Variants in AMZ2 observed in about 807,000 individuals in gnomAD.
AMZ2 encodes the protein archaelysin family metallopeptidase 2, also known as archaemetzincin-2.
In AMZ2, 26 loss-of-function variants were observed where a neutral mutation model predicts 36.7. The observed-to-expected ratio is 0.71, with a 90% confidence interval of 0.52 to 0.98. AMZ2 has a LOEUF of 0.98. Ranked by LOEUF, AMZ2 falls within the 50% of genes least tolerant of loss-of-function variation. The probability of loss-of-function intolerance (pLI) is 0.00; values close to 1 mark genes in which losing one functional copy is unlikely to be tolerated. For missense variants in AMZ2, 394 were observed against 430.5 expected (o/e 0.92, Z 0.75); for synonymous variants, 144 against 149.1 (o/e 0.97, Z 0.25).
intron 1 of AMZ2, among the ~76,000 whole-genome samples, chr17:68,224,225 G>C (rs563258885): frequency 1.3e-5 from 2 of 152,348 alleles, no homozygotes; most frequent in African/African-American, 4.8e-5. Flanking sequence ...TTACAGGCGT[G>C]AGCCACTGTG....
chr17:68,219,603 G>C (rs2073293674), intron 1 of AMZ2, among the ~76,000 whole-genome samples: 1 of 152,030 alleles, frequency 6.6e-6, no homozygotes, highest in Admixed American at 6.6e-5. Context: ...ACAGTCATAG[G>C]CCACTTTCGC....
At chr17:68,208,461 AC>A (rs1439694475) in intron 1 of AMZ2, among the ~76,000 whole-genome samples, 4 of 152,122 alleles carry the variant, frequency 2.6e-5, no homozygotes, top group African/African-American at 9.7e-5. Context: ...GAGGTGGAGA[AC>A]CTTTGTGTTT....
chr17:68,234,790 A>G lies in AMZ2; in HGVS notation c.-66-13850A>G, dbSNP rs566522000. 1.4e-3 allele frequency among the ~76,000 whole-genome samples: 207 copies of G among 152,014 alleles called. 1 individual carries two copies. The highest frequency in any genetic ancestry group is 4.6e-3 in the African/African-American group (192 of 41,504). ...TGAGACCCTGTCTCAAAAAAAAGAA[A>G]AAAAAAAAAAAGATAGCTAGGAGAC... is the stretch of plus-strand genomic sequence containing the variant. On this transcript the variant is annotated intron_variant, in intron 1 of 7. Coordinates refer to the AMZ2 transcript ENST00000674770.
upstream of AMZ2, chr17:68,246,667 G>A (rs550757476): frequency 6.6e-6 from 1 of 152,374 alleles, no homozygotes; most frequent in South Asian, 2.1e-4. Context: ...TCAGGTGAGG[G>A]TGGATATGGG....
intron 1 of AMZ2, among the ~76,000 whole-genome samples, chr17:68,238,852 A>G (rs1296935463): frequency 2.0e-5 from 3 of 152,266 alleles, no homozygotes; most frequent in Middle Eastern, 6.8e-3. Flanking sequence ...AAAAATCTTA[A>G]CCTAGTGGAC....
At position 68,256,798 on chromosome 17, in the gene AMZ2, T is replaced by C; in HGVS notation, c.928-16T>C. On this transcript the variant is annotated splice_polypyrimidine_tract_variant and intron_variant, in intron 6 of 6. Transcript: ENST00000359904. ...GCTGTGGTTTGTTGAAGTGCGCATC[T>C]TTCATGTTTTTCCAGGCACTGGTGA... 1 of 1,609,218 alleles carries C rather than the reference T, an allele frequency of 6.2e-7. No individual in the cohort carries two copies. Among genetic ancestry groups the C allele is most frequent in the Admixed American group, 1.7e-5 (1 of 58,978 alleles).
chr17:68,249,398 T>C (rs782088166), intron 1 of AMZ2: 53 of 158,178 alleles, frequency 3.4e-4, no homozygotes, highest in Middle Eastern at 2.8e-3. Flanking sequence ...CTCGACCTCC[T>C]GGGCTCAGAT....
chr17:68,211,532 A>G (rs1271922466), intron 1 of AMZ2, among the ~76,000 whole-genome samples: 1 of 151,102 alleles, frequency 6.6e-6, no homozygotes, highest in Non-Finnish European at 1.5e-5. Flanking sequence ...AATGTTTTGG[A>G]ATTAAATAGT....
chr17:68,220,855 T>C (rs1342883583), intron 1 of AMZ2, among the ~76,000 whole-genome samples: 1 of 149,854 alleles, frequency 6.7e-6, no homozygotes, highest in African/African-American at 2.5e-5. Flanking sequence ...CGATCTCGGC[T>C]CACTACAACC....
intron 1 of AMZ2, among the ~76,000 whole-genome samples, chr17:68,234,219 C>T (rs868980543): frequency 3.3e-5 from 5 of 150,626 alleles, no homozygotes; most frequent in African/African-American, 4.9e-5. Flanking sequence ...GAGGCTGAGG[C>T]GGGTGGATCA....
rs2074160513 is a variant in AMZ2 at position 68,248,281 on chromosome 17, G to T, written c.-425G>T. On this transcript the variant is annotated 5_prime_UTR_variant, in exon 1 of 7. Transcript: ENST00000359904. ...GGGGTCGGTGCCTCTAGGGAGCCAG[G>T]GAGGCCTTTCCCGAGGCTCCTGGGG... 3 of 985,864 alleles carry T rather than the reference G, an allele frequency of 3.0e-6. No homozygotes were observed. The highest frequency in any genetic ancestry group is 1.7e-5 in the African/African-American group (1 of 57,372). 61.1% of individuals were successfully genotyped at this position (985,864 alleles called of 1,614,324 possible).
intron 1 of AMZ2, among the ~76,000 whole-genome samples, chr17:68,221,212 C>A (rs1188683134): frequency 2.5e-5 from 2 of 81,020 alleles, no homozygotes; most frequent in Admixed American, 1.2e-4. Context: ...CCTCAGCTCC[C>A]CCCCCCGCCC....
chr17:68,247,889 G>A (rs1431849045), upstream of AMZ2: 9 of 985,538 alleles, frequency 9.1e-6, no homozygotes, highest in African/African-American at 1.4e-4. Flanking sequence ...GGTCGCGGCC[G>A]CTGAACTCCA....
At chr17:68,226,543 TGGG>T (rs2073521050) in intron 1 of AMZ2, among the ~76,000 whole-genome samples, 1 of 152,254 alleles carries the variant, frequency 6.6e-6, no homozygotes, top group Non-Finnish European at 1.5e-5. Flanking sequence ...GGAGTCCTCA[TGGG>T]CCACCTGTCA....
chr17:68,215,558 CA>C lies in AMZ2; in HGVS notation c.-67+9330del, dbSNP rs1330636138. Among the ~76,000 whole-genome samples the C allele has an allele frequency of 2.4e-4, 29 of 119,008 alleles. 3 individuals are homozygous for C. The highest frequency in any genetic ancestry group is 4.0e-3 in the Middle Eastern group (1 of 248). The allele number at this position is 119,008 out of a possible 152,430, so 78.1% of individuals were successfully genotyped here. ...GATGGAGTGAGACTCTGTCTGTCTC[CA>C]AAAAAAAAAGTTTACTGCTGTGTTG... On this transcript the variant is annotated intron_variant, in intron 1 of 7. Coordinates refer to the AMZ2 transcript ENST00000674770.
At chr17:68,240,663 C>T (rs1386552468) in intron 1 of AMZ2, among the ~76,000 whole-genome samples, 1 of 152,172 alleles carries the variant, frequency 6.6e-6, no homozygotes, top group Non-Finnish European at 1.5e-5. Flanking sequence ...GGCTAAGGCA[C>T]ATCTTTATAA....
upstream of AMZ2, chr17:68,247,251 G>T (rs1414669259): frequency 7.1e-6 from 1 of 140,688 alleles, no homozygotes; most frequent in Admixed American, 7.9e-5. Context: ...CGGGAAAATC[G>T]CTTGAACCCA....
At chr17:68,218,040 C>A (rs1555727733) in intron 1 of AMZ2, among the ~76,000 whole-genome samples, 1 of 152,102 alleles carries the variant, frequency 6.6e-6, no homozygotes, top group African/African-American at 2.4e-5. Flanking sequence ...TCTCGATCTC[C>A]TGACCTCGTG....
At chr17:68,216,521 T>C (rs11658926) in intron 1 of AMZ2, among the ~76,000 whole-genome samples, 46,663 of 152,042 alleles carry the variant, frequency 0.31, 7,321 homozygotes, top group African/African-American at 0.35. Context: ...TTGCCCAAGA[T>C]CCTATGGCTC....
Sources: gnomAD v4.1 joint callset for allele counts (sites outside exome capture counted in the v4.1 genomes callset) on GRCh38, gnomAD v4.1.1 for gene constraint, MANE v1.5 for transcripts, NCBI Gene and HGNC (gene_info 2026-07-23, HGNC 2026-07-21) for gene names.